MICU1: variants seen among roughly 807,000 people sequenced by gnomAD.
MICU1 encodes the protein calcium uptake protein 1, mitochondrial.
A neutral mutation model predicts 56.8 loss-of-function variants in MICU1; 45 were observed. The ratio of observed to expected loss-of-function variants is 0.79; its 90% confidence interval spans 0.62 to 1.02. MICU1 has a LOEUF of 1.02. MICU1 is among the 50% of genes least tolerant of loss of function. The pLI is 0.00. For missense variants in MICU1, 504 were observed against 587.1 expected (o/e 0.86, Z 1.46); for synonymous variants, 186 against 195.1 (o/e 0.95, Z 0.39).
chr10:72,459,719 C>T (rs912804125), intron 8 of MICU1, among the ~76,000 whole-genome samples: 4 of 152,166 alleles, frequency 2.6e-5, no homozygotes, highest in African/African-American at 7.2e-5. Context: ...CTAATAATAC[C>T]GTATCTCTAA....
chr10:72,614,151 A>G (rs1296794146), intron 1 of MICU1, among the ~76,000 whole-genome samples: 1 of 152,140 alleles, frequency 6.6e-6, no homozygotes, highest in Non-Finnish European at 1.5e-5. Flanking sequence ...CCCCAAAAAT[A>G]AAACAAAAAC....
chr10:72,577,806 C>T (rs923507095), intron 1 of MICU1, among the ~76,000 whole-genome samples: 1 of 152,090 alleles, frequency 6.6e-6, no homozygotes, highest in Non-Finnish European at 1.5e-5. Flanking sequence ...AGAGTTCATC[C>T]ATGTTCATAC....
chr10:72,513,114 C>T (rs1867533949), intron 5 of MICU1, among the ~76,000 whole-genome samples: 1 of 152,152 alleles, frequency 6.6e-6, no homozygotes, highest in Admixed American at 6.6e-5. Flanking sequence ...TTTAAGCAAT[C>T]CTTCCACCTC....
intron 4 of MICU1, among the ~76,000 whole-genome samples, chr10:72,534,917 T>C (rs1839584400): frequency 6.6e-6 from 1 of 151,988 alleles, no homozygotes; most frequent in Non-Finnish European, 1.5e-5. Context: ...TAAAGGCTGA[T>C]ATTTATCAGA....
At position 72,475,317 on chromosome 10, in the gene MICU1, A is replaced by G; in HGVS notation, c.736-20T>C. Reference sequence around the variant, plus strand: ...CTGAACCTAATACAGAATCAAACCCACATCCAGAAAAATATTAGGAAGTGA... The same window carrying G: ...CTGAACCTAATACAGAATCAAACCCGCATCCAGAAAAATATTAGGAAGTGA... On this transcript the variant is annotated intron_variant, in intron 7 of 11. Coordinates refer to ENST00000361114, the MANE Select transcript of MICU1 (RefSeq NM_001195518.2). 6.4e-7 allele frequency: 1 copy of G among 1,558,990 alleles called. No homozygotes were observed. The highest frequency in any genetic ancestry group is 1.2e-5 in the South Asian group (1 of 83,458).
chr10:72,454,573 A>G (rs1440262942), intron 8 of MICU1, among the ~76,000 whole-genome samples: 1 of 152,080 alleles, frequency 6.6e-6, no homozygotes, highest in East Asian at 1.9e-4. Flanking sequence ...ACCTGAGGTC[A>G]GGAGTTTGAG....
intron 8 of MICU1, among the ~76,000 whole-genome samples, chr10:72,453,013 A>G (rs1865346412): frequency 6.6e-6 from 1 of 152,250 alleles, no homozygotes; most frequent in African/African-American, 2.4e-5. Flanking sequence ...GAAATTAATT[A>G]TGTTTCACGA....
intron 1 of MICU1, among the ~76,000 whole-genome samples, chr10:72,609,648 GGTGTGAACCCAGAAGGCGGAGCTT>G (rs1841786317): frequency 6.6e-6 from 1 of 151,320 alleles, no homozygotes; most frequent in African/African-American, 2.4e-5. Flanking sequence ...GCAGGAGAAT[GGTGTGAACCCAGAAGGCGGAGCTT>G]GTAGTGAGCC....
chr10:72,539,991 T>G (rs7902964), intron 4 of MICU1, among the ~76,000 whole-genome samples: 95,263 of 152,036 alleles, frequency 0.63, 31,362 homozygotes, highest in African/African-American at 0.72. Context: ...TTCTTGGCTG[T>G]GCGTGGTGGC....
intron 1 of MICU1, among the ~76,000 whole-genome samples, chr10:72,616,464 G>A (rs1212954251): frequency 2.0e-5 from 3 of 151,834 alleles, no homozygotes; most frequent in African/African-American, 4.8e-5. Flanking sequence ...GTGCACGCCT[G>A]TAATCCCAGC....
chr10:72,383,672 C>T (rs1189165458), intron 10 of MICU1, among the ~76,000 whole-genome samples: 1 of 152,094 alleles, frequency 6.6e-6, no homozygotes, highest in Non-Finnish European at 1.5e-5. Flanking sequence ...AAAATTATTT[C>T]CTTTGTGGTC....
intron 8 of MICU1, among the ~76,000 whole-genome samples, chr10:72,427,183 A>C (rs934445090): frequency 6.6e-6 from 1 of 152,194 alleles, no homozygotes; most frequent in African/African-American, 2.4e-5. Context: ...CACTTTCTCA[A>C]ATGGATACAA....
chr10:72,398,917 G>A (rs1196128819), intron 10 of MICU1, among the ~76,000 whole-genome samples: 3 of 152,176 alleles, frequency 2.0e-5, no homozygotes, highest in Non-Finnish European at 4.4e-5. Flanking sequence ...AATAGAAAAA[G>A]AGGGAATCCT....
chr10:72,593,297 G>A (rs980359090), intron 1 of MICU1, among the ~76,000 whole-genome samples: 28 of 151,976 alleles, frequency 1.8e-4, no homozygotes, highest in African/African-American at 6.8e-4. Flanking sequence ...CAATTAGGGA[G>A]GCAATAAAGA....
chr10:72,445,081 G>A (rs559578668), intron 8 of MICU1, among the ~76,000 whole-genome samples: 3 of 152,242 alleles, frequency 2.0e-5, no homozygotes, highest in African/African-American at 4.8e-5. Flanking sequence ...TATATATAAA[G>A]TTCTCAATAA....
At chr10:72,461,817 G>T (rs760156721) in intron 8 of MICU1, among the ~76,000 whole-genome samples, 1 of 152,150 alleles carries the variant, frequency 6.6e-6, no homozygotes, top group Non-Finnish European at 1.5e-5. Flanking sequence ...CAGGTGTGGT[G>T]GTGGGCACCT....
intron 1 of MICU1, among the ~76,000 whole-genome samples, chr10:72,591,438 T>G (rs1200639894): frequency 6.6e-6 from 1 of 151,526 alleles, no homozygotes; most frequent in Non-Finnish European, 1.5e-5. Context: ...AACCAAAAGC[T>G]GGTTATTTGA....
rs190243891 is a variant in MICU1 at position 72,423,200 on chromosome 10, G to A, written c.1071+34C>T. On this transcript the variant is annotated intron_variant, in intron 9 of 11. Transcript: ENST00000361114. ...TTAAATAATAACCATACATTACCACGGTTTCTCTTCTTCCTCCAGCCAAAG... is the reference window on the plus strand; with the variant it reads ...TTAAATAATAACCATACATTACCACAGTTTCTCTTCTTCCTCCAGCCAAAG... The A allele has an allele frequency of 2.8e-3, 4,409 of 1,601,664 alleles. 9 individuals carry two copies. The highest frequency in any genetic ancestry group is 3.6e-3 in the Non-Finnish European group (4,181 of 1,173,942).
intron 1 of MICU1, among the ~76,000 whole-genome samples, chr10:72,568,117 T>C (rs1421915421): frequency 6.6e-6 from 1 of 152,120 alleles, no homozygotes; most frequent in African/African-American, 2.4e-5. Flanking sequence ...TACCTTATAA[T>C]GCTGACACTG....
Sources: allele counts gnomAD v4.1 joint callset (sites outside exome capture counted in the v4.1 genomes callset), GRCh38; gene constraint gnomAD v4.1.1; transcripts MANE v1.5; gene names NCBI Gene and HGNC (gene_info 2026-07-23, HGNC 2026-07-21).